Variants in MSL2 observed in about 807,000 individuals in gnomAD.
MSL2 encodes MSL complex subunit 2.
A neutral mutation model predicts 35.8 loss-of-function variants in MSL2; 2 were observed. The observed-to-expected ratio is 0.06, with a 90% confidence interval of 0.02 to 0.18. The LOEUF (loss-of-function observed/expected upper bound fraction) is 0.18, where lower values mean the gene tolerates loss of function less well. MSL2 is among the 10% of genes least tolerant of loss of function. MSL2 has a pLI of 1.00. For synonymous variants in MSL2, 296 were observed against 255.7 expected (o/e 1.16, Z -1.50); for missense variants, 523 against 706.7 (o/e 0.74, Z 2.95).
At chr3:136,172,499 C>G (rs1303622146) in intron 1 of MSL2, among the ~76,000 whole-genome samples, 1 of 152,172 alleles carries the variant, frequency 6.6e-6, no homozygotes, top group Non-Finnish European at 1.5e-5. Context: ...AATGTGTCTT[C>G]TAATGAAAGG....
chr3:136,165,731 G>C (rs1939827999), intron 1 of MSL2, among the ~76,000 whole-genome samples: 2 of 152,090 alleles, frequency 1.3e-5, no homozygotes, highest in Non-Finnish European at 2.9e-5. Flanking sequence ...AGCAAATCCA[G>C]ACATCATTAA....
rs1158962831 is a variant in MSL2, at chr3:136,195,909, C to G, written c.-796G>C. 1.3e-6 allele frequency: 1 copy of G among 773,316 alleles called. No homozygotes were observed. The highest frequency in any genetic ancestry group is 1.3e-4 in the East Asian group (1 of 7,866). 47.9% of individuals were successfully genotyped at this position (773,316 alleles called of 1,614,324 possible). ...AAGCCCGGCCGGGCCGCGGCGGCGC[C>G]CCTCGCGCCTCAGTCGCACACTCCG... On this transcript the variant is annotated 5_prime_UTR_variant, in exon 1 of 2. Transcript: ENST00000309993.
intron 1 of MSL2, among the ~76,000 whole-genome samples, chr3:136,193,146 A>T (rs892911376): frequency 2.6e-5 from 4 of 152,236 alleles, no homozygotes; most frequent in African/African-American, 9.6e-5. Context: ...TGGACTTTTA[A>T]ATGTAGTGGG....
In MSL2 at chr3:136,195,028, G is replaced by GGCT. The variant is rs747825923; in HGVS notation, c.85_86insAGC (p.Thr29delinsLysPro). 44 of 1,614,042 alleles carry GGCT rather than the reference G, an allele frequency of 2.7e-5. No homozygotes were observed. The highest frequency in any genetic ancestry group is 3.4e-5 in the Non-Finnish European group (40 of 1,180,030). On this transcript the variant is annotated protein_altering_variant, in exon 1 of 2. Transcript: ENST00000309993. ...GTAAGGCAAGAGCCTGTTAATCTCA[G>GGCT]TAAACGCCTTGGGGTCTCCGGGGTC...
chr3:136,180,174 T>C (rs548529182), intron 1 of MSL2, among the ~76,000 whole-genome samples: 10 of 152,354 alleles, frequency 6.6e-5, no homozygotes, highest in Middle Eastern at 6.8e-3. Flanking sequence ...AAACTGCCTA[T>C]GTACCCTGAT....
intron 1 of MSL2, among the ~76,000 whole-genome samples, chr3:136,183,066 A>G (rs1576373192): frequency 6.6e-6 from 1 of 152,198 alleles, no homozygotes; most frequent in Non-Finnish European, 1.5e-5. Context: ...CCCAGAACGA[A>G]GCTCAAGAAT....
At chr3:136,168,756 T>C (rs1218100361) in intron 1 of MSL2, among the ~76,000 whole-genome samples, 1 of 142,590 alleles carries the variant, frequency 7.0e-6, no homozygotes, top group African/African-American at 2.6e-5. Flanking sequence ...AGTATAATAA[T>C]AAAAAAAAAA....
chr3:136,188,091 T>G (rs973906201), intron 1 of MSL2, among the ~76,000 whole-genome samples: 3 of 152,056 alleles, frequency 2.0e-5, no homozygotes, highest in Admixed American at 2.0e-4. Context: ...TAAACCCAAT[T>G]TACTGCTGTT....
intron 1 of MSL2, among the ~76,000 whole-genome samples, chr3:136,186,708 G>A (rs1030388168): frequency 3.9e-5 from 6 of 151,980 alleles, no homozygotes; most frequent in African/African-American, 1.5e-4. Context: ...ACACGCTCAG[G>A]GCTCCCACTA....
chr3:136,180,710 GA>G (rs1357910412), intron 1 of MSL2, among the ~76,000 whole-genome samples: 5 of 139,740 alleles, frequency 3.6e-5, no homozygotes, highest in African/African-American at 1.3e-4. Context: ...AGAAAAAAAA[GA>G]AAAAACAAAA....
At chr3:136,187,536 C>T (rs1940559056) in intron 1 of MSL2, among the ~76,000 whole-genome samples, 1 of 151,786 alleles carries the variant, frequency 6.6e-6, no homozygotes. Flanking sequence ...CTGGGTGTGG[C>T]GGATGCCTGT....
intron 1 of MSL2, among the ~76,000 whole-genome samples, chr3:136,183,721 T>C (rs553711011): frequency 6.6e-6 from 1 of 152,282 alleles, no homozygotes; most frequent in East Asian, 1.9e-4. Flanking sequence ...CCAACAGAGC[T>C]TCAAAATACA....
chr3:136,176,515 C>CAAAAAAAA (rs771021498), intron 1 of MSL2, among the ~76,000 whole-genome samples: 3 of 54,150 alleles, frequency 5.5e-5, no homozygotes, highest in African/African-American at 1.9e-4. Context: ...GACCCTCTCT[C>CAAAAAAAA]AAAAAAAAAA....
At chr3:136,161,273 G>T (rs1939701447) in intron 1 of MSL2, among the ~76,000 whole-genome samples, 1 of 152,120 alleles carries the variant, frequency 6.6e-6, no homozygotes, top group Admixed American at 6.5e-5. Context: ...ATGTAAAACA[G>T]GTACAACAAT....
At chr3:136,170,234 T>G (rs1388445081) in intron 1 of MSL2, among the ~76,000 whole-genome samples, 2 of 149,178 alleles carry the variant, frequency 1.3e-5, no homozygotes, top group Non-Finnish European at 3.0e-5. Context: ...ATGCCTGTAA[T>G]CCCATCTACT....
chr3:136,189,108 C>CAAAAAAAAAA (rs372715974), intron 1 of MSL2, among the ~76,000 whole-genome samples: 1 of 38,610 alleles, frequency 2.6e-5, no homozygotes, highest in African/African-American at 1.0e-4. Context: ...CCTGTCTCTA[C>CAAAAAAAAAA]AAAAAAAAAA....
Position 136,152,439 on chromosome 3 carries a change from C to G in MSL2, c.442G>C (p.Asp148His). Reference protein sequence around the residue: ...LFCEETEKPSDSSFTLCLTHS... With the variant: ...LFCEETEKPSHSSFTLCLTHS... ...GTCAAACACAAAGTAAAGGATGAAT[C>G]TGAGGGTTTTTCTGTCTCCTCACAA... is the stretch of plus-strand genomic sequence containing the variant. Residue 148 changes from aspartate to histidine, a missense_variant, in exon 2 of 2, where the codon GAT becomes CAT. Transcript: ENST00000309993. The G allele has an allele frequency of 3.1e-6, 5 of 1,614,166 alleles. No homozygotes were observed. Among genetic ancestry groups the G allele is most frequent in the Non-Finnish European group, 8.5e-7 (1 of 1,180,020 alleles).
chr3:136,180,459 T>C (rs957008240), intron 1 of MSL2, among the ~76,000 whole-genome samples: 1 of 151,816 alleles, frequency 6.6e-6, no homozygotes, highest in Non-Finnish European at 1.5e-5. Flanking sequence ...AAAGACACTT[T>C]GGGAGGCTGA....
At chr3:136,160,114 AT>A (rs1939656918) in intron 1 of MSL2, among the ~76,000 whole-genome samples, 1 of 151,618 alleles carries the variant, frequency 6.6e-6, no homozygotes, top group South Asian at 2.1e-4. Flanking sequence ...TCTACTAAAA[AT>A]ATAAAATAAA....
Sources: allele counts gnomAD v4.1 joint callset (sites outside exome capture counted in the v4.1 genomes callset), GRCh38; gene constraint gnomAD v4.1.1; transcripts MANE v1.5; gene names NCBI Gene and HGNC (gene_info 2026-07-23, HGNC 2026-07-21).